PLA2G4E: variants seen among roughly 807,000 people sequenced by gnomAD.
PLA2G4E encodes cytosolic phospholipase A2 epsilon.
In PLA2G4E, 84 loss-of-function variants were observed where a neutral mutation model predicts 109.1. The observed-to-expected ratio is 0.77, with a 90% CI of 0.65 to 0.92. The LOEUF (loss-of-function observed/expected upper bound fraction) is 0.92, where lower values mean the gene tolerates loss of function less well. Among genes scored for constraint, PLA2G4E ranks in the 40% least tolerant of loss-of-function variants. The pLI is 0.00. For synonymous variants in PLA2G4E, 469 were observed against 436.1 expected (o/e 1.08, Z -0.94); for missense variants, 1,057 against 1,076.6 (o/e 0.98, Z 0.25).
At chr15:42,036,213 C>T (rs1486073558) in intron 1 of PLA2G4E, among the ~76,000 whole-genome samples, 1 of 152,214 alleles carries the variant, frequency 6.6e-6, no homozygotes, top group African/African-American at 2.4e-5. Context: ...AGGCCGACAG[C>T]CTCCTCTGCA....
At chr15:42,048,967 A>G (rs777949265) in intron 1 of PLA2G4E, among the ~76,000 whole-genome samples, 18 of 152,378 alleles carry the variant, frequency 1.2e-4, no homozygotes, top group Non-Finnish European at 2.4e-4. Context: ...AGGCAAGGGC[A>G]GGCCATTAAC....
At chr15:41,989,281 A>G in intron 15 of PLA2G4E, 134 bp downstream of exon 15, 1 of 1,268,874 alleles carries the variant, frequency 7.9e-7, no homozygotes, top group South Asian at 1.6e-5. Context: ...TCTGGTCCCC[A>G]GTGACTTGGG....
rs1292818268 is a variant in PLA2G4E at position 41,987,158 on chromosome 15, C to A, written c.2035+14G>T. ...TATGGAGGCAGGCCTCAAGGAGTAG[C>A]CAGGTAGGGTTACCTTTCCACCTAG... On this transcript the variant is annotated intron_variant, in intron 17 of 19. Transcript: ENST00000399518. 1.2e-6 allele frequency: 2 copies of A among 1,607,400 alleles called. No homozygotes were observed. Among genetic ancestry groups the A allele is most frequent in the African/African-American group, 2.7e-5 (2 of 74,794 alleles).
chr15:41,991,146 T>A (rs536449523), intron 13 of PLA2G4E, among the ~76,000 whole-genome samples: 27 of 152,086 alleles, frequency 1.8e-4, no homozygotes, highest in Non-Finnish European at 3.2e-4. Flanking sequence ...CGGTCCACAT[T>A]CATTGTCAAG....
At chr15:42,028,434 T>C (rs1889059658) in intron 1 of PLA2G4E, among the ~76,000 whole-genome samples, 1 of 151,934 alleles carries the variant, frequency 6.6e-6, no homozygotes, top group South Asian at 2.1e-4. Context: ...TGAGACGGAG[T>C]CTCACTCTGT....
chr15:41,983,803 C>T lies in PLA2G4E; in HGVS notation c.2558G>A (p.Arg853Gln), dbSNP rs368649712. 1.8e-5 allele frequency: 29 copies of T among 1,608,724 alleles called. No individual in the cohort carries two copies. The East Asian group carries it at 2.9e-4, about 16-fold the overall frequency. ...GCGCTTCTTCTTCTCCACTGCGAGC[C>T]GCAGAGCCTGGAGGAGAGTGTCCTT... is the stretch of plus-strand genomic sequence containing the variant. The change falls in exon 20 of 20, where the codon CGG becomes CAG. Residue 853 changes from arginine (R) to glutamine (Q), a missense_variant. Arg to Gln is a conservative substitution (Grantham distance 43, BLOSUM62 1). Coordinates refer to ENST00000399518, the Ensembl canonical transcript of PLA2G4E.
At position 42,002,483 on chromosome 15, in the gene PLA2G4E, C is replaced by T. The variant is rs953594240; in HGVS notation, c.609+171G>A. 3.9e-5 allele frequency among the ~76,000 whole-genome samples: 6 copies of T among 152,140 alleles called. No homozygotes were observed. In the South Asian group the frequency reaches 8.3e-4, roughly 21 times the overall value. On this transcript the variant is annotated intron_variant, in intron 6 of 19. Coordinates refer to ENST00000399518, the Ensembl canonical transcript of PLA2G4E. ...CTGTACAGAAGCCCCAGCTCGTGCCCCAGTGCTGCCTGTGCCCCATTTGGC... is the reference window on the plus strand; with the variant it reads ...CTGTACAGAAGCCCCAGCTCGTGCCTCAGTGCTGCCTGTGCCCCATTTGGC...
intron 1 of PLA2G4E, among the ~76,000 whole-genome samples, chr15:42,014,749 T>G (rs1461701737): frequency 1.3e-5 from 2 of 152,216 alleles, no homozygotes; most frequent in Non-Finnish European, 2.9e-5. Flanking sequence ...GGAAACAGTC[T>G]GCCTCTCTCC....
chr15:41,995,631 G>C lies in PLA2G4E; in HGVS notation c.1111-135C>G. ...TACAGAGGGCAGGGAGTGCGGCGTTGAGCCACCTGACACCTGCCTTTCCAC... is the reference window on the plus strand; with the variant it reads ...TACAGAGGGCAGGGAGTGCGGCGTTCAGCCACCTGACACCTGCCTTTCCAC... On this transcript the variant is annotated intron_variant, in intron 11 of 19. Transcript: ENST00000399518. 3.6e-6 allele frequency: 4 copies of C among 1,116,136 alleles called. No individual in the cohort carries two copies. The East Asian group carries it at 1.0e-4, about 28-fold the overall frequency. 69.1% of individuals were successfully genotyped at this position (1,116,136 alleles called of 1,614,324 possible). A position where few individuals can be genotyped will look rare whatever the true frequency, so the allele number is the denominator to read the frequency against.
intron 1 of PLA2G4E, among the ~76,000 whole-genome samples, chr15:42,039,953 A>AAAAATG (rs1362030001): frequency 2.0e-5 from 3 of 152,242 alleles, no homozygotes; most frequent in African/African-American, 2.4e-5. Context: ...ATGTATGCAG[A>AAAAATG]AAAATGAAAA....
At chr15:42,041,850 C>G (rs2141077223) in intron 1 of PLA2G4E, among the ~76,000 whole-genome samples, 2 of 152,294 alleles carry the variant, frequency 1.3e-5, no homozygotes, top group South Asian at 4.1e-4. Flanking sequence ...CCTCATTGCT[C>G]CTGACAGGGC....
At chr15:42,020,453 C>A (rs1336425349) in intron 1 of PLA2G4E, among the ~76,000 whole-genome samples, 1 of 152,204 alleles carries the variant, frequency 6.6e-6, no homozygotes, top group South Asian at 2.1e-4. Context: ...GACCCATGAG[C>A]CTTGACTGTA....
At chr15:42,005,330 C>T (rs1287439847) in intron 4 of PLA2G4E, among the ~76,000 whole-genome samples, 4 of 152,238 alleles carry the variant, frequency 2.6e-5, no homozygotes, top group East Asian at 1.9e-4. Context: ...CGCTGAGATA[C>T]GCCTTCAGAA....
exon 20 of PLA2G4E, chr15:41,981,633 A>C (rs2068069765): frequency 6.6e-6 from 1 of 152,258 alleles, no homozygotes; most frequent in Non-Finnish European, 1.5e-5. Context: ...ATGATTTTAT[A>C]AACCTCGTTT....
At chr15:42,045,236 T>C (rs1194817449) in intron 1 of PLA2G4E, among the ~76,000 whole-genome samples, 1 of 151,742 alleles carries the variant, frequency 6.6e-6, no homozygotes, top group East Asian at 1.9e-4. Flanking sequence ...GTAGCAGAAC[T>C]GGGGAAAGAA....
intron 1 of PLA2G4E, among the ~76,000 whole-genome samples, chr15:42,031,101 G>A (rs1244002909): frequency 6.6e-6 from 1 of 152,018 alleles, no homozygotes; most frequent in African/African-American, 2.4e-5. Context: ...CTGAGTAGCT[G>A]GGACCACAGG....
At chr15:42,040,986 C>A (rs1245086756) in intron 1 of PLA2G4E, among the ~76,000 whole-genome samples, 1 of 152,082 alleles carries the variant, frequency 6.6e-6, no homozygotes, top group Non-Finnish European at 1.5e-5. Flanking sequence ...AAAAGAGATG[C>A]CACGTTTCAT....
At chr15:42,043,340 G>A (rs1889350649) in intron 1 of PLA2G4E, among the ~76,000 whole-genome samples, 2 of 152,070 alleles carry the variant, frequency 1.3e-5, no homozygotes, top group Admixed American at 1.3e-4. Context: ...GGGCCAGCCT[G>A]GCCTAGTGAG....
intron 1 of PLA2G4E, among the ~76,000 whole-genome samples, chr15:42,040,284 A>T (rs2598470): frequency 0.47 from 72,060 of 152,050 alleles, 17,749 homozygotes; most frequent in African/African-American, 0.59. Context: ...ATACAGGATA[A>T]TTACATGTAC....
Sources: gnomAD v4.1 joint callset for allele counts (sites outside exome capture counted in the v4.1 genomes callset) on GRCh38, gnomAD v4.1.1 for gene constraint, MANE v1.5 for transcripts, NCBI Gene and HGNC (gene_info 2026-07-23, HGNC 2026-07-21) for gene names.